Variants in KCNK3 observed in about 807,000 individuals in gnomAD.
KCNK3 encodes potassium two pore domain channel subfamily K member 3.
Under a neutral mutation model 27.3 loss-of-function variants are expected in KCNK3, and 9 were observed. That is an observed-to-expected ratio of 0.33 (90% confidence interval 0.20 to 0.57). The LOEUF is 0.57. Ranked by LOEUF, KCNK3 falls within the 20% of genes least tolerant of loss-of-function variation. The pLI is 0.87. For missense variants in KCNK3, 391 were observed against 577.7 expected, an observed-to-expected ratio of 0.68 and a Z score of 3.31; for synonymous variants, 278 against 273.8, an observed-to-expected ratio of 1.02 and a Z score of -0.15.
At position 26,693,536 on chromosome 2, in the gene KCNK3, G is replaced by A. The variant is rs1449453854; in HGVS notation, c.283+378G>A. Among the ~76,000 whole-genome samples, 1 of 152,216 alleles carries A rather than the reference G, an allele frequency of 6.6e-6. No homozygotes were observed. Among genetic ancestry groups the A allele is most frequent in the Non-Finnish European group, 1.5e-5 (1 of 68,030 alleles). On this transcript the variant is annotated intron_variant, in intron 1 of 1. Coordinates refer to ENST00000302909, the MANE Select transcript of KCNK3 (RefSeq NM_002246.3). This position sits in a 1 kb window ranked among gnomAD's most constrained non-coding sequence, Gnocchi z 5.5. ...GAGAGTGAGCGGCGGGAGAGCGCCA[G>A]TGCTCCGTATCCCTGAGGATCGGCT... is the stretch of plus-strand genomic sequence containing the variant.
intron 1 of KCNK3, among the ~76,000 whole-genome samples, chr2:26,711,253 G>A (rs1663105086): frequency 6.6e-6 from 1 of 152,214 alleles, no homozygotes; most frequent in Admixed American, 6.5e-5. Context: ...TTCTCAGTGG[G>A]ATGAATGAAA....
intron 1 of KCNK3, among the ~76,000 whole-genome samples, chr2:26,694,911 A>C (rs1670216182): frequency 6.6e-6 from 1 of 151,922 alleles, no homozygotes; most frequent in Non-Finnish European, 1.5e-5. Context: ...GTAACCTCCC[A>C]ACTGACCTCC....
intron 1 of KCNK3, among the ~76,000 whole-genome samples, chr2:26,726,396 T>C (rs1047338534): frequency 6.6e-6 from 1 of 152,084 alleles, no homozygotes; most frequent in Non-Finnish European, 1.5e-5. Flanking sequence ...GCCACTCAAA[T>C]AAGGCAGAGA....
intron 1 of KCNK3, among the ~76,000 whole-genome samples, chr2:26,706,507 G>A (rs1367868946): frequency 6.6e-6 from 1 of 152,174 alleles, no homozygotes; most frequent in East Asian, 1.9e-4. Context: ...ATGACTCTGA[G>A]TCATGGATTT....
chr2:26,715,107 G>C (rs1180426798), intron 1 of KCNK3, among the ~76,000 whole-genome samples: 3 of 152,224 alleles, frequency 2.0e-5, no homozygotes, highest in Non-Finnish European at 4.4e-5. Flanking sequence ...ACTAACATTA[G>C]TTAGACTGGA....
intron 1 of KCNK3, among the ~76,000 whole-genome samples, chr2:26,726,661 A>T (rs1663424974): frequency 6.6e-6 from 1 of 151,816 alleles, no homozygotes. Context: ...GTCACTAGGG[A>T]TGAGTTCCCA....
Position 26,693,859 on chromosome 2 carries a change from T to C in KCNK3, c.283+701T>C, listed in dbSNP as rs1299160536. On this transcript the variant is annotated intron_variant, in intron 1 of 1. Coordinates refer to ENST00000302909, the MANE Select transcript of KCNK3 (RefSeq NM_002246.3). The surrounding 1 kb of genome is among the most constrained non-coding windows in gnomAD (Gnocchi z 5.5). ...CTTTCCAAGCCAGGGCAGATCACCA[T>C]GTAGGAGGCCACACGTACACCCAGA... Among the ~76,000 whole-genome samples, 4 of 152,034 alleles carry C rather than the reference T, an allele frequency of 2.6e-5. No individual in the cohort carries two copies. The highest frequency in any genetic ancestry group is 5.9e-5 in the Non-Finnish European group (4 of 67,998).
intron 1 of KCNK3, among the ~76,000 whole-genome samples, chr2:26,698,900 G>A (rs995773163): frequency 6.6e-6 from 1 of 152,094 alleles, no homozygotes; most frequent in Non-Finnish European, 1.5e-5. Context: ...CCAGGGGCTG[G>A]GTGTGGTGGC....
At chr2:26,699,255 C>CAAAGAAAGAAAGAAAGAAAGAAAGAA (rs1228423650) in intron 1 of KCNK3, among the ~76,000 whole-genome samples, 138 of 106,424 alleles carry the variant, frequency 1.3e-3, no homozygotes, top group Non-Finnish European at 2.5e-3. Flanking sequence ...GAAAGAAAGC[C>CAAAGAAAGAAAGAAAGAAAGAAAGAA]AGCCAAGGAG....
chr2:26,706,951 G>A (rs1670382432), intron 1 of KCNK3, among the ~76,000 whole-genome samples: 1 of 152,114 alleles, frequency 6.6e-6, no homozygotes, highest in South Asian at 2.1e-4. Context: ...AGCCCTTCCA[G>A]TTGGGGCCGT....
In KCNK3 at chr2:26,709,544, C is replaced by T. The variant is rs151293409; in HGVS notation, c.283+16386C>T. Among the ~76,000 whole-genome samples the T allele has an allele frequency of 6.3e-3, 965 of 152,200 alleles. 5 individuals are homozygous for T. The highest frequency in any genetic ancestry group is 0.011 in the Non-Finnish European group (764 of 68,012). Reference sequence around the variant, plus strand: ...AACCACCAGTAGATCTGCAGCATGGCGGTCACCGGAGACATTGGCCATGAA... The same window carrying T: ...AACCACCAGTAGATCTGCAGCATGGTGGTCACCGGAGACATTGGCCATGAA... On this transcript the variant is annotated intron_variant, in intron 1 of 1. Transcript: ENST00000302909.
At chr2:26,707,384 C>A (rs1402224841) in intron 1 of KCNK3, among the ~76,000 whole-genome samples, 1 of 152,220 alleles carries the variant, frequency 6.6e-6, no homozygotes, top group African/African-American at 2.4e-5. Flanking sequence ...TGTTGCACCC[C>A]AGCTGGCCCA....
intron 1 of KCNK3, among the ~76,000 whole-genome samples, chr2:26,719,298 C>G (rs942746799): frequency 1.3e-5 from 2 of 152,188 alleles, no homozygotes; most frequent in Non-Finnish European, 2.9e-5. Context: ...CGCTGGCCCC[C>G]ACACCAACCC....
chr2:26,714,360 C>G (rs571995732), intron 1 of KCNK3, among the ~76,000 whole-genome samples: 1 of 46,788 alleles, frequency 2.1e-5, no homozygotes, highest in Admixed American at 2.4e-4. Flanking sequence ...TCGGTGTCCC[C>G]GACTGTTGAA....
chr2:26,727,047 C>A (rs1663433077), intron 1 of KCNK3, among the ~76,000 whole-genome samples: 1 of 152,208 alleles, frequency 6.6e-6, no homozygotes, highest in African/African-American at 2.4e-5. Context: ...CCCAGGGAGA[C>A]TGAAGGGCCC....
chr2:26,719,491 C>T (rs1427881060), intron 1 of KCNK3, among the ~76,000 whole-genome samples: 4 of 152,190 alleles, frequency 2.6e-5, no homozygotes, highest in African/African-American at 4.8e-5. Context: ...CCCTGATAAC[C>T]CAACCAAAGT....
intron 1 of KCNK3, among the ~76,000 whole-genome samples, chr2:26,706,907 C>A (rs931287865): frequency 1.3e-5 from 2 of 152,184 alleles, no homozygotes; most frequent in Non-Finnish European, 2.9e-5. Context: ...TGCCCCTGGC[C>A]TTGTCTGTGA....
At chr2:26,726,746 C>CATT (rs1663427016) in intron 1 of KCNK3, among the ~76,000 whole-genome samples, 1 of 140,608 alleles carries the variant, frequency 7.1e-6, no homozygotes, top group South Asian at 2.6e-4. Flanking sequence ...GCAGAGGGAA[C>CATT]ATTTGCCTCT....
intron 1 of KCNK3, among the ~76,000 whole-genome samples, chr2:26,697,775 G>A (rs1558594105): frequency 2.0e-5 from 3 of 152,176 alleles, no homozygotes; most frequent in South Asian, 2.1e-4. Flanking sequence ...CTTCTGTTCC[G>A]CTCTTTCCCC....
Sources: gnomAD v4.1 joint callset for allele counts (sites outside exome capture counted in the v4.1 genomes callset) on GRCh38, gnomAD v4.1.1 for gene constraint, Gnocchi (gnomAD v3.1) non-coding constraint, MANE v1.5 for transcripts, NCBI Gene and HGNC (gene_info 2026-07-23, HGNC 2026-07-21) for gene names.